Variants in PMS1 observed in about 807,000 individuals in gnomAD.
The protein encoded by PMS1 is PMS1 protein homolog 1.
Under a neutral mutation model 93.1 loss-of-function variants are expected in PMS1, and 79 were observed. The ratio of observed to expected loss-of-function variants is 0.85; its 90% CI spans 0.71 to 1.02. The LOEUF is 1.02. Ranked by LOEUF, PMS1 falls within the 50% of genes least tolerant of loss-of-function variation. PMS1 has a pLI of 0.00. For missense variants in PMS1, 1,064 were observed against 1,085.3 expected, an observed-to-expected ratio of 0.98 and a Z score of 0.28; for synonymous variants, 335 against 363.4, an observed-to-expected ratio of 0.92 and a Z score of 0.89.
At chr2:189,840,114 TAAAAG>T (rs1259070402) in intron 5 of PMS1, among the ~76,000 whole-genome samples, 27 of 152,304 alleles carry the variant, frequency 1.8e-4, no homozygotes, top group African/African-American at 6.5e-4. Context: ...ATATACTTGT[TAAAAG>T]AAAAACTTTA....
chr2:189,873,669 T>A lies in PMS1; in HGVS notation c.2634+13T>A, dbSNP rs1405488888. ...AAGTTATTTAGAGGTACGCATTATTTTATATATATGTTATTGTATACAGGG... is the reference window on the plus strand; with the variant it reads ...AAGTTATTTAGAGGTACGCATTATTATATATATATGTTATTGTATACAGGG... On this transcript the variant is annotated intron_variant, in intron 12 of 12. Coordinates refer to ENST00000441310, the MANE Select transcript of PMS1 (RefSeq NM_000534.5). 1.1e-5 allele frequency: 17 copies of A among 1,583,636 alleles called. No homozygotes were observed. The highest frequency in any genetic ancestry group is 1.3e-5 in the Non-Finnish European group (15 of 1,153,530).
chr2:189,818,311 C>G (rs1421892906), intron 5 of PMS1, 131 bp downstream of exon 5: 5 of 650,868 alleles, frequency 7.7e-6, no homozygotes, highest in Non-Finnish European at 1.1e-5. Context: ...TGTTGAAAAC[C>G]TAACCACCAT....
At chr2:189,851,807 T>C (rs2054760603) in intron 6 of PMS1, among the ~76,000 whole-genome samples, 1 of 151,980 alleles carries the variant, frequency 6.6e-6, no homozygotes. Context: ...TTTAAATAAC[T>C]TAACAAAAAT....
At chr2:189,801,736 A>AT (rs199513420) in intron 3 of PMS1, among the ~76,000 whole-genome samples, 71 of 148,682 alleles carry the variant, frequency 4.8e-4, no homozygotes, top group South Asian at 1.5e-3. Flanking sequence ...TTTTCTGAGA[A>AT]TTTTTTTTTT....
chr2:189,805,369 G>A (rs2106275367), intron 3 of PMS1, among the ~76,000 whole-genome samples: 1 of 152,196 alleles, frequency 6.6e-6, no homozygotes, highest in East Asian at 1.9e-4. Context: ...GTCATATAAT[G>A]CATATAATAC....
chr2:189,854,750 T>C lies in PMS1; in HGVS notation c.1478T>C (p.Ile493Thr). Residue 493 changes from isoleucine (I) to threonine (T), a missense_variant, in exon 9 of 13, where the codon ATT becomes ACT. By Grantham distance (89) the Ile-to-Thr change is moderately conservative (BLOSUM62 -1). Transcript: ENST00000441310. ...GCAGGTCTTGAAAACTCTTCGGAAA[T>C]TTCTGCAGATGAGTGGAGCAGGGGA... is the stretch of plus-strand genomic sequence containing the variant. ...EEAGLENSSEISADEWSRGNI... is the reference protein window; with the variant it reads ...EEAGLENSSETSADEWSRGNI... 2 of 1,613,826 alleles carry C rather than the reference T, an allele frequency of 1.2e-6. No homozygotes were observed. The highest frequency in any genetic ancestry group is 8.5e-7 in the Non-Finnish European group (1 of 1,179,856).
intron 4 of PMS1, among the ~76,000 whole-genome samples, chr2:189,816,939 T>C (rs909395198): frequency 2.6e-5 from 4 of 151,844 alleles, no homozygotes; most frequent in African/African-American, 9.7e-5. Flanking sequence ...TCTATTTTTC[T>C]AGTTTATTCT....
chr2:189,854,193 A>C, intron 8 of PMS1, 46 bp from the exon 9 acceptor site: 1 of 1,464,844 alleles, frequency 6.8e-7, no homozygotes, highest in Non-Finnish European at 9.3e-7. Context: ...AATCTTGTCT[A>C]TTATTTTCAT....
chr2:189,863,714 CATT>C, intron 9 of PMS1, 26 bp from the exon 10 acceptor site: 1 of 1,486,340 alleles, frequency 6.7e-7, no homozygotes, highest in African/African-American at 1.4e-5. Context: ...ATTATGATCT[CATT>C]AGTTCTATTT....
chr2:189,786,048 C>T lies in PMS1; in HGVS notation c.-21+1455C>T, dbSNP rs561527302. Among the ~76,000 whole-genome samples the T allele has an allele frequency of 3.3e-5, 5 of 152,212 alleles. No individual in the cohort carries two copies. In the East Asian group the frequency reaches 9.6e-4, roughly 29 times the overall value. On this transcript the variant is annotated intron_variant, in intron 1 of 12. Coordinates refer to ENST00000441310, the MANE Select transcript of PMS1 (RefSeq NM_000534.5). ...GCTGGGACAGGAGAATTGCTTGAAC[C>T]TGGGAGGCAGAGGTTGCAGTGAGCC...
At chr2:189,861,018 A>T (rs1213089727) in intron 9 of PMS1, among the ~76,000 whole-genome samples, 1 of 151,492 alleles carries the variant, frequency 6.6e-6, no homozygotes, top group Non-Finnish European at 1.5e-5. Flanking sequence ...TCAGTTTGAT[A>T]ATCTTTGCCT....
chr2:189,872,924 A>G (rs200270831), intron 11 of PMS1, among the ~76,000 whole-genome samples: 11 of 152,286 alleles, frequency 7.2e-5, no homozygotes, highest in South Asian at 2.1e-4. Context: ...GTGAGCCACT[A>G]TGCCCAGCCA....
At chr2:189,870,862 T>A (rs184358213) in intron 11 of PMS1, among the ~76,000 whole-genome samples, 1 of 152,324 alleles carries the variant, frequency 6.6e-6, no homozygotes, top group East Asian at 1.9e-4. Flanking sequence ...CCCCTATTGC[T>A]CAAACTCATT....
chr2:189,834,732 TTTCATTTTATTTTTAGA>T (rs569823536), intron 5 of PMS1, among the ~76,000 whole-genome samples: 3 of 152,212 alleles, frequency 2.0e-5, no homozygotes, highest in Non-Finnish European at 4.4e-5. Flanking sequence ...TTTTATTCTA[TTTCATTTTATTTTTAGA>T]GACAGGGTCT....
chr2:189,829,540 G>C (rs5743061), intron 5 of PMS1, among the ~76,000 whole-genome samples: 1 of 151,862 alleles, frequency 6.6e-6, no homozygotes, highest in Admixed American at 6.6e-5. Context: ...CAGTTCTCTT[G>C]GTCCTTTCTC....
At chr2:189,798,528 C>T (rs2049562228) in intron 3 of PMS1, among the ~76,000 whole-genome samples, 1 of 152,156 alleles carries the variant, frequency 6.6e-6, no homozygotes, top group Non-Finnish European at 1.5e-5. Context: ...ACAGAGCCTT[C>T]AAATAGATTT....
chr2:189,849,855 G>A (rs1228293590), intron 6 of PMS1, among the ~76,000 whole-genome samples: 3 of 144,514 alleles, frequency 2.1e-5, no homozygotes, highest in African/African-American at 8.2e-5. Context: ...CAGTGGCCAC[G>A]GTATTTTTAA....
rs146906129 is a variant in PMS1, at chr2:189,811,761, G to A, written c.418+6007G>A. Among the ~76,000 whole-genome samples, 764 of 152,204 alleles carry A rather than the reference G, an allele frequency of 5.0e-3. 8 individuals are homozygous for A. The highest frequency in any genetic ancestry group is 0.017 in the African/African-American group (705 of 41,530). On this transcript the variant is annotated intron_variant, in intron 4 of 12. Transcript: ENST00000441310. ...CTAACTACATCATAATTGAATTACC[G>A]AAAACCAGTAATGTGTTGGACAGGA...
chr2:189,803,587 T>A (rs2050079782), intron 3 of PMS1, among the ~76,000 whole-genome samples: 1 of 152,220 alleles, frequency 6.6e-6, no homozygotes, highest in Admixed American at 6.5e-5. Context: ...GTGGAGTTAC[T>A]GCAGGCTCAA....
Sources: allele counts gnomAD v4.1 joint callset (sites outside exome capture counted in the v4.1 genomes callset), GRCh38; gene constraint gnomAD v4.1.1; transcripts MANE v1.5; gene names NCBI Gene and HGNC (gene_info 2026-07-23, HGNC 2026-07-21).